Variants in CSMD1 observed in about 807,000 individuals in gnomAD.
CSMD1 encodes CUB and Sushi multiple domains 1, also known as CUB and sushi domain-containing protein 1.
A neutral mutation model predicts 417.5 loss-of-function variants in CSMD1; 213 were observed. The ratio of observed to expected loss-of-function variants is 0.51; its 90% CI spans 0.46 to 0.57. CSMD1 has a LOEUF of 0.57. CSMD1 is among the 20% of genes least tolerant of loss of function. CSMD1 has a pLI of 0.00. For synonymous variants in CSMD1, 2,862 were observed against 1,736.8 expected (o/e 1.65, Z -16.11); for missense variants, 6,923 against 4,529.7 (o/e 1.53, Z -15.17).
chr8:4,573,467 G>C (rs1798983209), intron 2 of CSMD1, among the ~76,000 whole-genome samples: 1 of 152,164 alleles, frequency 6.6e-6, no homozygotes, highest in Non-Finnish European at 1.5e-5. Context: ...GAACAGCAAA[G>C]ATTGCTGCCT....
chr8:3,893,555 C>T (rs1052481664), intron 5 of CSMD1, among the ~76,000 whole-genome samples: 7 of 151,700 alleles, frequency 4.6e-5, no homozygotes, highest in African/African-American at 1.7e-4. Context: ...AAGGCAAACG[C>T]CACTGCTCTA....
rs148926931 is a variant in CSMD1 at position 3,555,382 on chromosome 8, C to T, written c.1344+19563G>A. ...TGGTCATTGATGATGACAGTCTGAA[C>T]GCTGTAAGAATTTAGCCAAATCATC... On this transcript the variant is annotated intron_variant, in intron 10 of 69. Coordinates refer to ENST00000635120, the MANE Select transcript of CSMD1 (RefSeq NM_033225.6). Among the ~76,000 whole-genome samples the T allele has an allele frequency of 2.4e-3, 358 of 152,132 alleles. 1 individual carries two copies. Among genetic ancestry groups the T allele is most frequent in the African/African-American group, 7.7e-3 (321 of 41,500 alleles).
intron 1 of CSMD1, among the ~76,000 whole-genome samples, chr8:4,983,261 C>G (rs1411321540): frequency 6.6e-6 from 1 of 152,198 alleles, no homozygotes; most frequent in South Asian, 2.1e-4. Flanking sequence ...TTACCAACAC[C>G]TTCCCTAGGT....
At chr8:3,349,829 T>C (rs1380272012) in intron 21 of CSMD1, among the ~76,000 whole-genome samples, 2 of 138,460 alleles carry the variant, frequency 1.4e-5, no homozygotes, top group East Asian at 2.0e-4. Flanking sequence ...ATAAAATATA[T>C]ATAATATATC....
chr8:4,432,019 G>C (rs888609614), intron 2 of CSMD1, among the ~76,000 whole-genome samples: 1 of 151,954 alleles, frequency 6.6e-6, no homozygotes, highest in African/African-American at 2.4e-5. Context: ...TTCTCAAAAG[G>C]CCTGCAAAAA....
At chr8:3,711,811 G>T (rs1478834440) in intron 6 of CSMD1, among the ~76,000 whole-genome samples, 1 of 152,150 alleles carries the variant, frequency 6.6e-6, no homozygotes, top group Non-Finnish European at 1.5e-5. Flanking sequence ...GGAGATGAAT[G>T]CACAATAAAT....
chr8:3,278,766 G>C (rs1399952030), intron 26 of CSMD1: 1 of 152,054 alleles, frequency 6.6e-6, no homozygotes, highest in Non-Finnish European at 1.5e-5. Flanking sequence ...GTGATGGACA[G>C]GCTGTTTTGC....
At chr8:3,793,811 G>A (rs905447685) in intron 5 of CSMD1, among the ~76,000 whole-genome samples, 11 of 152,062 alleles carry the variant, frequency 7.2e-5, no homozygotes, top group African/African-American at 2.7e-4. Context: ...ATGCCCCAGG[G>A]CACTAAATGT....
intron 1 of CSMD1, among the ~76,000 whole-genome samples, chr8:4,963,198 A>G (rs1809627159): frequency 6.6e-6 from 1 of 151,862 alleles, no homozygotes; most frequent in African/African-American, 2.4e-5. Flanking sequence ...CACTTTATTT[A>G]TTTACTTATT....
intron 3 of CSMD1, among the ~76,000 whole-genome samples, chr8:4,399,207 G>C (rs929495983): frequency 2.6e-5 from 4 of 152,142 alleles, no homozygotes; most frequent in Non-Finnish European, 4.4e-5. Flanking sequence ...AATTTACTAT[G>C]TGTTTAAATA....
chr8:3,644,604 C>T (rs376617134), intron 7 of CSMD1, among the ~76,000 whole-genome samples: 21 of 151,910 alleles, frequency 1.4e-4, no homozygotes, highest in African/African-American at 4.8e-4. Flanking sequence ...AAGGAATGAA[C>T]GGGATAAGAG....
At chr8:4,217,400 T>C (rs1204186076) in intron 3 of CSMD1, among the ~76,000 whole-genome samples, 1 of 152,148 alleles carries the variant, frequency 6.6e-6, no homozygotes, top group Non-Finnish European at 1.5e-5. Context: ...AATATAACTC[T>C]AATATAGTTT....
At chr8:3,459,834 C>T (rs571871433) in intron 12 of CSMD1, among the ~76,000 whole-genome samples, 1 of 152,124 alleles carries the variant, frequency 6.6e-6, no homozygotes, top group East Asian at 1.9e-4. Flanking sequence ...GGCTACTGGG[C>T]TATAATTCCT....
chr8:3,805,525 C>T (rs1311060053), intron 5 of CSMD1, among the ~76,000 whole-genome samples: 2 of 152,146 alleles, frequency 1.3e-5, no homozygotes, highest in Non-Finnish European at 2.9e-5. Context: ...TCCTGGAACA[C>T]TTTCATCTGC....
chr8:4,705,740 TCTAA>T (rs1464334475), intron 1 of CSMD1, among the ~76,000 whole-genome samples: 2 of 152,194 alleles, frequency 1.3e-5, no homozygotes, highest in Non-Finnish European at 2.9e-5. Context: ...ACAAATATAA[TCTAA>T]CTAATATTTT....
chr8:3,642,348 G>A (rs139142469), intron 7 of CSMD1, among the ~76,000 whole-genome samples: 358 of 152,260 alleles, frequency 2.4e-3, no homozygotes, highest in African/African-American at 8.3e-3. Context: ...GCTGTGGGGA[G>A]AAAGAAGAAA....
chr8:4,449,631 G>T (rs539794449), intron 2 of CSMD1, among the ~76,000 whole-genome samples: 2 of 152,218 alleles, frequency 1.3e-5, no homozygotes, highest in South Asian at 4.2e-4. Context: ...AATACATCTT[G>T]GAGCAATCCA....
chr8:4,782,691 G>C (rs1052244762), intron 1 of CSMD1, among the ~76,000 whole-genome samples: 2 of 152,034 alleles, frequency 1.3e-5, no homozygotes, highest in Non-Finnish European at 2.9e-5. Context: ...CTGCAGATGA[G>C]TATTTTATCT....
intron 54 of CSMD1, among the ~76,000 whole-genome samples, chr8:2,980,584 G>A (rs1195594769): frequency 2.6e-5 from 4 of 152,066 alleles, no homozygotes; most frequent in Admixed American, 2.6e-4. Context: ...GTAACAACAG[G>A]ATCCAGTCAC....
Sources: gnomAD v4.1 joint callset for allele counts (sites outside exome capture counted in the v4.1 genomes callset) on GRCh38, gnomAD v4.1.1 for gene constraint, MANE v1.5 for transcripts, NCBI Gene and HGNC (gene_info 2026-07-23, HGNC 2026-07-21) for gene names.